KNDC1: variants seen among roughly 807,000 people sequenced by gnomAD.
KNDC1 encodes the protein kinase non-catalytic C-lobe domain containing 1.
In KNDC1, 106 loss-of-function variants were observed where a neutral mutation model predicts 172.8. That is an observed-to-expected ratio of 0.61 (90% confidence interval 0.52 to 0.72). KNDC1 has a LOEUF of 0.72. KNDC1 is among the 30% of genes least tolerant of loss of function. The pLI is 0.00. For missense variants in KNDC1, 2,325 were observed against 2,394.5 expected (o/e 0.97, Z 0.61); for synonymous variants, 1,083 against 1,062.2 (o/e 1.02, Z -0.38).
At chr10:133,189,303 G>C (rs1854013868) in intron 7 of KNDC1, among the ~76,000 whole-genome samples, 1 of 152,188 alleles carries the variant, frequency 6.6e-6, no homozygotes, top group African/African-American at 2.4e-5. Flanking sequence ...TGACACGGGG[G>C]CTTCAAGTTA....
chr10:133,182,650 C>G (rs1381971427), intron 3 of KNDC1, among the ~76,000 whole-genome samples: 1 of 152,234 alleles, frequency 6.6e-6, no homozygotes, highest in African/African-American at 2.4e-5. Flanking sequence ...GGAGGAAAAC[C>G]CAGACTCTCA....
chr10:133,184,504 CACAT>C (rs1329863378), intron 5 of KNDC1, among the ~76,000 whole-genome samples: 1 of 152,268 alleles, frequency 6.6e-6, no homozygotes, highest in Admixed American at 6.5e-5. Context: ...GCCTCGTACA[CACAT>C]ATTCACTCTT....
intron 5 of KNDC1, 91 bp downstream of exon 5, chr10:133,184,080 G>A: frequency 2.1e-5 from 14 of 654,468 alleles, no homozygotes; most frequent in South Asian, 6.4e-5. Context: ...ACACACCCAT[G>A]CACACACACA....
At chr10:133,208,204 A>G (rs1845255057) in intron 20 of KNDC1, among the ~76,000 whole-genome samples, 1 of 152,050 alleles carries the variant, frequency 6.6e-6, no homozygotes, top group Admixed American at 6.5e-5. Flanking sequence ...GCCCCCAGAG[A>G]GGGATGGTGG....
At chr10:133,203,300 G>C (rs904384932) in intron 17 of KNDC1, among the ~76,000 whole-genome samples, 9 of 151,628 alleles carry the variant, frequency 5.9e-5, no homozygotes, top group Non-Finnish European at 1.5e-5. Flanking sequence ...GTCCAGCGGG[G>C]AGCACTCGGC....
At chr10:133,221,168 C>T (rs1845580888) in intron 29 of KNDC1, among the ~76,000 whole-genome samples, 1 of 152,082 alleles carries the variant, frequency 6.6e-6, no homozygotes, top group Non-Finnish European at 1.5e-5. Flanking sequence ...CCTGTCCTGA[C>T]CGCTGGGTGC....
At position 133,199,505 on chromosome 10, in the gene KNDC1, G is replaced by A; in HGVS notation, c.2806G>A (p.Gly936Ser). 1 of 1,613,932 alleles carries A rather than the reference G, an allele frequency of 6.2e-7. No individual in the cohort carries two copies. The highest frequency in any genetic ancestry group is 8.5e-7 in the Non-Finnish European group (1 of 1,179,994). ...AGATCTCACCTTTGCCACTTTCTGT[G>A]GCGCCATTTCCGAGAAGTTCTGTGA... ...LKDLTFATFC[G>S]AISEKFCDLY... The change falls in exon 15 of 30, where the codon GGC becomes AGC. Residue 936 changes from glycine to serine, a missense_variant. Gly to Ser is a moderately conservative substitution (Grantham distance 56). Transcript: ENST00000304613.
intron 23 of KNDC1, 126 bp downstream of exon 23, chr10:133,211,984 C>T: frequency 1.2e-6 from 1 of 841,222 alleles, no homozygotes; most frequent in East Asian, 2.7e-5. Flanking sequence ...CAGCTGTATA[C>T]ATGCATACAC....
rs1025729194 is a variant in KNDC1 at position 133,209,253 on chromosome 10, G to A, written c.3795-1358G>A. Among the ~76,000 whole-genome samples, 1 of 148,294 alleles carries A rather than the reference G, an allele frequency of 6.7e-6. No individual in the cohort carries two copies. Among genetic ancestry groups the A allele is most frequent in the Non-Finnish European group, 1.5e-5 (1 of 67,276 alleles). ...TGGTGCGTATGCACATGTGTGGTGT[G>A]TGGTATGCGGTAGTGTGTGTGTGGT... On this transcript the variant is annotated intron_variant, in intron 20 of 29. Coordinates refer to ENST00000304613, the MANE Select transcript of KNDC1 (RefSeq NM_152643.8). The surrounding 1 kb of genome is among the most constrained non-coding windows in gnomAD (Gnocchi z 4.9).
Position 133,186,286 on chromosome 10 carries a change from C to A in KNDC1, c.938C>A (p.Ser313Tyr). ...GTGCAGACGTTCCCTAGGCTGCTGT[C>A]CGACAGCCCCGAGGCCACCCTCTGC... Reference protein sequence around the residue: ...RKVQTFPRLLSDSPEATLCLP... With the variant: ...RKVQTFPRLLYDSPEATLCLP... Residue 313 changes from serine to tyrosine, a missense_variant, in exon 6 of 30, where the codon TCC (serine) becomes TAC (tyrosine). By Grantham distance (144) the Ser-to-Tyr change is moderately radical. Coordinates refer to ENST00000304613, the MANE Select transcript of KNDC1 (RefSeq NM_152643.8). 1 of 1,610,616 alleles carries A rather than the reference C, an allele frequency of 6.2e-7. No homozygotes were observed.
intron 3 of KNDC1, among the ~76,000 whole-genome samples, chr10:133,176,282 G>T (rs953545023): frequency 1.3e-5 from 2 of 150,204 alleles, no homozygotes; most frequent in South Asian, 2.1e-4. Flanking sequence ...TGGTGGATGG[G>T]GGATGGGCAG....
intron 9 of KNDC1, among the ~76,000 whole-genome samples, chr10:133,195,128 C>A (rs758008102): frequency 9.9e-5 from 15 of 152,248 alleles, no homozygotes; most frequent in Non-Finnish European, 2.2e-4. Context: ...TTGACTGGCT[C>A]TGTGGAACTT....
chr10:133,166,958 CCCCGTTAG>C (rs1459959272), intron 1 of KNDC1, among the ~76,000 whole-genome samples: 2 of 152,194 alleles, frequency 1.3e-5, no homozygotes, highest in African/African-American at 4.8e-5. Context: ...CAGGATCACG[CCCCGTTAG>C]CTCTGCACGA....
rs757939535 is a variant in KNDC1, at chr10:133,212,847, C to T, written c.4368C>T (p.Thr1456=). 1 of 1,613,976 alleles carries T rather than the reference C, an allele frequency of 6.2e-7. No individual in the cohort carries two copies. The highest frequency in any genetic ancestry group is 8.5e-7 in the Non-Finnish European group (1 of 1,179,954). The change falls in exon 24 of 30, where the codon ACC becomes ACT. Residue 1456 remains threonine (T), a synonymous_variant. Coordinates refer to ENST00000304613, the MANE Select transcript of KNDC1 (RefSeq NM_152643.8). ...ACTTCTACGGCCCCTGCGCCAAGAC[C>T]AGTGAGAAGGGGCCCTACTTCCTGA... ...LEDFYGPCAK[T]SEKGPYFLTE...
Position 133,220,111 on chromosome 10 carries a change from A to G in KNDC1, c.5017A>G (p.Arg1673Gly). 6.4e-7 allele frequency: 1 copy of G among 1,561,122 alleles called. No individual in the cohort carries two copies. The highest frequency in any genetic ancestry group is 2.4e-5 in the East Asian group (1 of 42,072). Residue 1673 changes from arginine to glycine, a missense_variant and splice_region_variant, in exon 29 of 30, where the codon AGG becomes GGG. Transcript: ENST00000304613. ...CGGGGCCCACAGGTGGAGCAAGCTC[A>G]GGTGAGGAGGGGCTCAGGCGGCCGC... ...TNGAHRWSKL[R>G]NIAKVVSQVH...
At chr10:133,183,519 G>A in intron 4 of KNDC1, 29 bp downstream of exon 4, 2 of 1,579,370 alleles carry the variant, frequency 1.3e-6, no homozygotes, top group East Asian at 2.3e-5. Flanking sequence ...GGCCACCCCA[G>A]GCTGTGACCC....
rs1845202151 is a variant in KNDC1 at position 133,206,670 on chromosome 10, G to A, written c.3388-15G>A. On this transcript the variant is annotated splice_polypyrimidine_tract_variant and intron_variant, in intron 17 of 29. Transcript: ENST00000304613. Reference sequence around the variant, plus strand: ...TGGGGCTGCCTGGGGCTTAGGCGCTGTGTTTCGTCCCCAGGAGCTGGAACA... The same window carrying A: ...TGGGGCTGCCTGGGGCTTAGGCGCTATGTTTCGTCCCCAGGAGCTGGAACA... 2 of 1,612,138 alleles carry A rather than the reference G, an allele frequency of 1.2e-6. No individual in the cohort carries two copies. The highest frequency in any genetic ancestry group is 3.3e-5 in the Admixed American group (2 of 60,026).
intron 6 of KNDC1, among the ~76,000 whole-genome samples, chr10:133,187,102 G>C (rs1853942437): frequency 6.6e-6 from 1 of 152,262 alleles, no homozygotes; most frequent in Admixed American, 6.5e-5. Context: ...TTAAAAGTTA[G>C]AAACCAAAGC....
chr10:133,183,357 C>T lies in KNDC1; in HGVS notation c.374C>T (p.Ser125Phe). Reference protein sequence around the residue: ...TGNTFEAHIYSLGATLKAALE... With the variant: ...TGNTFEAHIYFLGATLKAALE... ...TCGTGCCCACAGGCGCACATCTACT[C>T]TCTGGGGGCCACGCTGAAGGCCGCC... The change falls in exon 4 of 30, where the codon TCT (serine) becomes TTT (phenylalanine). Residue 125 changes from serine (S) to phenylalanine (F), a missense_variant. Physicochemically the swap from Ser to Phe is radical, Grantham distance 155 (BLOSUM62 -2). Transcript: ENST00000304613. 1 of 1,596,470 alleles carries T rather than the reference C, an allele frequency of 6.3e-7. No individual in the cohort carries two copies. Among genetic ancestry groups the T allele is most frequent in the Non-Finnish European group, 8.5e-7 (1 of 1,173,178 alleles).
Sources: gnomAD v4.1 joint callset for allele counts (sites outside exome capture counted in the v4.1 genomes callset) on GRCh38, gnomAD v4.1.1 for gene constraint, Gnocchi (gnomAD v3.1) non-coding constraint, MANE v1.5 for transcripts, NCBI Gene and HGNC (gene_info 2026-07-23, HGNC 2026-07-21) for gene names.